The following CMC1 variants were observed in gnomAD, a reference collection of about 807,000 sequenced individuals.
The protein encoded by CMC1 is C-X9-C motif containing 1.
In CMC1, 14 loss-of-function variants were observed where a neutral mutation model predicts 14.1. The ratio of observed to expected loss-of-function variants is 0.99; its 90% CI spans 0.66 to 1.55. The LOEUF (loss-of-function observed/expected upper bound fraction) is 1.55, where lower values mean the gene tolerates loss of function less well. Ranked by LOEUF, CMC1 falls within the 40% of genes most tolerant of loss-of-function variation. CMC1 has a pLI of 0.00. For missense variants in CMC1, 127 were observed against 123.8 expected, an observed-to-expected ratio of 1.03 and a Z score of -0.12; for synonymous variants, 50 against 38.4, an observed-to-expected ratio of 1.30 and a Z score of -1.12.
intron 2 of CMC1, among the ~76,000 whole-genome samples, chr3:28,301,378 C>T (rs1370386016): frequency 6.6e-6 from 1 of 152,068 alleles, no homozygotes; most frequent in Non-Finnish European, 1.5e-5. Context: ...TGCCACCATA[C>T]CCAACTAATT....
At chr3:28,294,813 C>G (rs941044049) in intron 2 of CMC1, among the ~76,000 whole-genome samples, 1 of 151,978 alleles carries the variant, frequency 6.6e-6, no homozygotes, top group African/African-American at 2.4e-5. Flanking sequence ...TTTGATATGA[C>G]TCCTTCTAGA....
chr3:28,316,497 C>A (rs112694141), intron 3 of CMC1, 74 bp downstream of exon 3: 12 of 764,232 alleles, frequency 1.6e-5, no homozygotes, highest in African/African-American at 1.1e-4. Context: ...TAACTCATTA[C>A]ATGTAATATA....
At position 28,312,299 on chromosome 3, in the gene CMC1, A is replaced by T. The variant is rs189638988; in HGVS notation, c.110-4034A>T. On this transcript the variant is annotated intron_variant, in intron 2 of 3. Coordinates refer to ENST00000466830, the MANE Select transcript of CMC1 (RefSeq NM_182523.2). Reference sequence around the variant, plus strand: ...TCTAAAGACAGTTGTGAAAAAATTCATTTTAAAAATCAAATTAATGGAGAT... The same window carrying T: ...TCTAAAGACAGTTGTGAAAAAATTCTTTTTAAAAATCAAATTAATGGAGAT... 1.4e-4 allele frequency among the ~76,000 whole-genome samples: 22 copies of T among 152,334 alleles called. 2 individuals carry two copies. In the East Asian group the frequency reaches 4.2e-3, roughly 29 times the overall value.
At chr3:28,300,414 A>G (rs1701963619) in intron 2 of CMC1, among the ~76,000 whole-genome samples, 1 of 152,130 alleles carries the variant, frequency 6.6e-6, no homozygotes, top group South Asian at 2.1e-4. Context: ...GGGAATTCTC[A>G]CGAGATACAG....
intron 1 of CMC1, among the ~76,000 whole-genome samples, chr3:28,260,965 G>T (rs886734227): frequency 1.3e-5 from 2 of 152,146 alleles, no homozygotes; most frequent in Admixed American, 1.3e-4. Flanking sequence ...TGTAGGGCTT[G>T]AAATTCCTTC....
chr3:28,274,218 T>TTTTTTTTTTTTTTTTG (rs1331676612), intron 2 of CMC1, among the ~76,000 whole-genome samples: 1 of 127,548 alleles, frequency 7.8e-6, no homozygotes, highest in Non-Finnish European at 1.6e-5. Flanking sequence ...TTTTGTTTTT[T>TTTTTTTTTTTTTTTTG]TCTTTTTTTT....
intron 1 of CMC1, among the ~76,000 whole-genome samples, chr3:28,252,522 G>A (rs570448230): frequency 1.3e-5 from 2 of 152,144 alleles, no homozygotes; most frequent in South Asian, 4.1e-4. Flanking sequence ...TTTTCCCGTG[G>A]TAGGAAGCAG....
intron 1 of CMC1, among the ~76,000 whole-genome samples, chr3:28,243,382 T>G (rs1432059701): frequency 6.6e-6 from 1 of 152,172 alleles, no homozygotes; most frequent in East Asian, 1.9e-4. Flanking sequence ...GAACTTGAAG[T>G]GACCTTTAAA....
chr3:28,254,369 A>C (rs1354142606), intron 1 of CMC1, among the ~76,000 whole-genome samples: 1 of 152,168 alleles, frequency 6.6e-6, no homozygotes, highest in Non-Finnish European at 1.5e-5. Flanking sequence ...TATGCTATCA[A>C]GTGGGAAAAT....
At chr3:28,297,044 A>G (rs1319904403) in intron 2 of CMC1, 1 of 151,988 alleles carries the variant, frequency 6.6e-6, no homozygotes, top group East Asian at 1.9e-4. Context: ...TCTTTCCAGA[A>G]TTGCTGTTTT....
chr3:28,243,637 G>A (rs1482129061), intron 1 of CMC1, among the ~76,000 whole-genome samples: 1 of 152,200 alleles, frequency 6.6e-6, no homozygotes, highest in Non-Finnish European at 1.5e-5. Context: ...GTCCAGTGCT[G>A]TAGACCATGC....
In CMC1 at chr3:28,319,815, G is replaced by A; in HGVS notation, c.*186G>A. 1 of 473,832 alleles carries A rather than the reference G, an allele frequency of 2.1e-6. No individual in the cohort carries two copies. Among genetic ancestry groups the A allele is most frequent in the Non-Finnish European group, 3.7e-6 (1 of 271,888 alleles). The allele number at this position is 473,832 out of a possible 1,614,324, so 29.4% of individuals were successfully genotyped here. A position where few individuals can be genotyped will look rare whatever the true frequency, so the allele number is the denominator to read the frequency against. Reference sequence around the variant, plus strand: ...TGGGAAAGGAGTAGTTACTGAATTGGGATATGGTTTTCCTGGTCATTCTGG... The same window carrying A: ...TGGGAAAGGAGTAGTTACTGAATTGAGATATGGTTTTCCTGGTCATTCTGG... On this transcript the variant is annotated 3_prime_UTR_variant, in exon 4 of 4. Transcript: ENST00000466830.
intron 1 of CMC1, among the ~76,000 whole-genome samples, chr3:28,255,446 A>C (rs557966041): frequency 1.3e-5 from 2 of 151,554 alleles, no homozygotes; most frequent in African/African-American, 4.8e-5. Context: ...GAGTTTCATC[A>C]TATTGGCCAG....
chr3:28,308,543 T>C (rs1282130958), intron 2 of CMC1, among the ~76,000 whole-genome samples: 1 of 152,320 alleles, frequency 6.6e-6, no homozygotes, highest in East Asian at 1.9e-4. Flanking sequence ...TATTGAATCT[T>C]AGCTTTACAC....
intron 1 of CMC1, among the ~76,000 whole-genome samples, chr3:28,253,470 A>G (rs1258683200): frequency 6.6e-6 from 1 of 152,076 alleles, no homozygotes; most frequent in Non-Finnish European, 1.5e-5. Context: ...GTTTCCAACT[A>G]CTTGGGAGGC....
At chr3:28,314,764 C>T (rs1468286095) in intron 2 of CMC1, among the ~76,000 whole-genome samples, 1 of 151,868 alleles carries the variant, frequency 6.6e-6, no homozygotes, top group East Asian at 1.9e-4. Flanking sequence ...CAGCAAGGCC[C>T]CCCTAATGAA....
At chr3:28,287,636 A>G (rs1213291033) in intron 2 of CMC1, among the ~76,000 whole-genome samples, 1 of 152,058 alleles carries the variant, frequency 6.6e-6, no homozygotes, top group African/African-American at 2.4e-5. Context: ...GTTTTAATAT[A>G]TGCTCTTTTA....
chr3:28,281,264 T>C (rs1401026890), intron 2 of CMC1, among the ~76,000 whole-genome samples: 1 of 152,216 alleles, frequency 6.6e-6, no homozygotes, highest in Non-Finnish European at 1.5e-5. Flanking sequence ...ATCAAATAAA[T>C]ATTCAAATTA....
Position 28,320,100 on chromosome 3 carries a change from C to T in CMC1, c.*471C>T, listed in dbSNP as rs909348051. The T allele has an allele frequency of 1.3e-5, 2 of 154,760 alleles. No individual in the cohort carries two copies. The highest frequency in any genetic ancestry group is 4.8e-5 in the African/African-American group (2 of 41,336). 9.6% of individuals were successfully genotyped at this position (154,760 alleles called of 1,614,324 possible). ...TACAGCTGTGGAAGTAAATCTAATA[C>T]AGTTTGTGAGGATGTACTGAGTATT... On this transcript the variant is annotated 3_prime_UTR_variant, in exon 4 of 4. Transcript: ENST00000466830.
Sources: gnomAD v4.1 joint callset for allele counts (sites outside exome capture counted in the v4.1 genomes callset) on GRCh38, gnomAD v4.1.1 for gene constraint, MANE v1.5 for transcripts, NCBI Gene and HGNC (gene_info 2026-07-23, HGNC 2026-07-21) for gene names.